The following TSNAXIP1 variants were observed in gnomAD, a reference collection of about 807,000 sequenced individuals.
TSNAXIP1 encodes translin-associated factor X-interacting protein 1.
A neutral mutation model predicts 84.8 loss-of-function variants in TSNAXIP1; 89 were observed. The observed-to-expected ratio is 1.05, with a 90% confidence interval of 0.88 to 1.25. The LOEUF (loss-of-function observed/expected upper bound fraction) is 1.25. Ranked by LOEUF, TSNAXIP1 falls within the 50% of genes most tolerant of loss-of-function variation. The pLI is 0.00. For synonymous variants in TSNAXIP1, 347 were observed against 335.2 expected (o/e 1.04, Z -0.39); for missense variants, 874 against 887.6 (o/e 0.98, Z 0.20).
chr16:67,825,289 A>G lies in TSNAXIP1; in HGVS notation c.814+17A>G. The G allele has an allele frequency of 6.2e-7, 1 of 1,613,518 alleles. No homozygotes were observed. Among genetic ancestry groups the G allele is most frequent in the Non-Finnish European group, 8.5e-7 (1 of 1,179,710 alleles). ...AGTCGCCAGGTAAGCCTGAATTGGG[A>G]ATCGGGTTTCTCTCTTCTCTGAGAC... On this transcript the variant is annotated intron_variant, in intron 7 of 15. Coordinates refer to ENST00000561639, the MANE Select transcript of TSNAXIP1 (RefSeq NM_001288990.3).
chr16:67,826,097 C>T lies in TSNAXIP1; in HGVS notation c.1144+21C>T, dbSNP rs751860296. ...CAAAGGTGAGGGCAGCCGGCAGGGCCCCAGGTCCTGCTTACATGTGGGCCC... is the reference window on the plus strand; with the variant it reads ...CAAAGGTGAGGGCAGCCGGCAGGGCTCCAGGTCCTGCTTACATGTGGGCCC... On this transcript the variant is annotated intron_variant, in intron 9 of 15. Transcript: ENST00000561639. The T allele has an allele frequency of 5.6e-6, 9 of 1,613,210 alleles. No homozygotes were observed. In the African/African-American group the frequency reaches 8.0e-5, roughly 14 times the overall value.
intron 7 of TSNAXIP1, 35 bp downstream of exon 7, chr16:67,825,307 T>C (rs747588126): frequency 3.1e-6 from 5 of 1,611,342 alleles, no homozygotes; most frequent in African/African-American, 2.7e-5. Context: ...TTCTCTCTTC[T>C]CTGAGACGCT....
rs200979759 is a variant in TSNAXIP1, at chr16:67,809,926, GC to G, written c.47+2731del. Among the ~76,000 whole-genome samples, 690 of 152,242 alleles carry G rather than the reference GC, an allele frequency of 4.5e-3. 26 individuals carry two copies. Among genetic ancestry groups the G allele is most frequent in the Admixed American group, 0.042 (643 of 15,264 alleles). ...ATCGGGCCACTGCACTCCAGTCCGG[GC>G]AAGAGAGTGAGACCCTGTCTCAAAA... On this transcript the variant is annotated intron_variant, in intron 1 of 15. Transcript: ENST00000561639.
Position 67,824,793 on chromosome 16 carries a change from G to C in TSNAXIP1, c.678+14G>C. 6.2e-7 allele frequency: 1 copy of C among 1,610,592 alleles called. No homozygotes were observed. The highest frequency in any genetic ancestry group is 1.3e-5 in the African/African-American group (1 of 74,926). On this transcript the variant is annotated intron_variant, in intron 6 of 15. Transcript: ENST00000561639. ...TTGCAGAGCGAGGTGAATGGAAGTG[G>C]TGTGATGATGACCAAGTCCCCGAAT... is the stretch of plus-strand genomic sequence containing the variant.
In TSNAXIP1 at chr16:67,825,272, G is replaced by A. The variant is rs1388132236; in HGVS notation, c.814G>A (p.Gly272Ser). The A allele has an allele frequency of 6.2e-7, 1 of 1,613,994 alleles. No individual in the cohort carries two copies. The highest frequency in any genetic ancestry group is 1.1e-5 in the South Asian group (1 of 91,082). Residue 272 changes from glycine to serine, a missense_variant and splice_region_variant, in exon 7 of 16, where the codon GGC (glycine) becomes AGC (serine). Gly to Ser is a moderately conservative substitution (Grantham distance 56). Transcript: ENST00000561639. ...REDMSLAQSP[G>S]IWGEDPVKLT... Reference sequence around the variant, plus strand: ...GGACATGTCATTAGCCCAGTCGCCAGGTAAGCCTGAATTGGGAATCGGGTT... The same window carrying A: ...GGACATGTCATTAGCCCAGTCGCCAAGTAAGCCTGAATTGGGAATCGGGTT...
intron 1 of TSNAXIP1, chr16:67,807,851 C>G (rs1311134196): frequency 1.3e-5 from 2 of 159,924 alleles, no homozygotes; most frequent in Non-Finnish European, 2.8e-5. Flanking sequence ...TAAAGAAATA[C>G]TTTAGAAGCC....
At chr16:67,808,251 G>A (rs892328189) in intron 1 of TSNAXIP1, among the ~76,000 whole-genome samples, 1 of 151,762 alleles carries the variant, frequency 6.6e-6, no homozygotes, top group Non-Finnish European at 1.5e-5. Context: ...AACTCTTCAG[G>A]GTCTGCTGCC....
Position 67,827,831 on chromosome 16 carries a change from C to A in TSNAXIP1, c.1977C>A (p.Asn659Lys). The A allele has an allele frequency of 1.9e-6, 3 of 1,614,150 alleles. No individual in the cohort carries two copies. Among genetic ancestry groups the A allele is most frequent in the Non-Finnish European group, 2.5e-6 (3 of 1,180,042 alleles). The change falls in exon 16 of 16, where the codon AAC (asparagine) becomes AAA (lysine). Residue 659 changes from asparagine to lysine, a missense_variant. Transcript: ENST00000561639. The part of the protein sequence containing the change: ...IDPSLDKQTV[N>K]TYMSQAFQLP... ...CCAGCCTGGACAAGCAGACAGTGAA[C>A]ACCTACATGAGCCAGGCCTTCCAGC... is the stretch of plus-strand genomic sequence containing the variant.
Position 67,827,459 on chromosome 16 carries a change from G to GT in TSNAXIP1, c.1792-13dup, listed in dbSNP as rs759079190. On this transcript the variant is annotated splice_polypyrimidine_tract_variant and intron_variant, in intron 14 of 15. Transcript: ENST00000561639. ...ACCCAATGTGCCCTCCCCCTGACTT[G>GT]TGGCCCCTCCCAGGATGAGGAGGGC... The GT allele has an allele frequency of 6.2e-7, 1 of 1,614,176 alleles. No homozygotes were observed. Among genetic ancestry groups the GT allele is most frequent in the East Asian group, 2.2e-5 (1 of 44,880 alleles).
chr16:67,811,091 T>A (rs896373250), intron 1 of TSNAXIP1, among the ~76,000 whole-genome samples: 17 of 152,106 alleles, frequency 1.1e-4, no homozygotes, highest in Admixed American at 6.5e-4. Flanking sequence ...CCCTGAGAGC[T>A]GGGATTACAG....
At position 67,814,314 on chromosome 16, in the gene TSNAXIP1, G is replaced by A; in HGVS notation, c.60G>A (p.Arg20=). The change falls in exon 2 of 16, where the codon CGG becomes CGA. Residue 20 remains arginine, a synonymous_variant. Transcript: ENST00000561639. ...CTTCTCTGTGCAGATTACAGCCACGGCCTTCAGGAGTGACCATAGACGAAT... is the reference window on the plus strand; with the variant it reads ...CTTCTCTGTGCAGATTACAGCCACGACCTTCAGGAGTGACCATAGACGAAT... The part of the protein sequence containing the change: ...SFSSASRLQP[R]PSGVTIDESF... The A allele has an allele frequency of 6.5e-7, 1 of 1,536,028 alleles. No individual in the cohort carries two copies. The highest frequency in any genetic ancestry group is 8.7e-7 in the Non-Finnish European group (1 of 1,146,866).
rs752413065 is a variant in TSNAXIP1, at chr16:67,807,256, T to C, written c.47+60T>C. 15 of 1,535,580 alleles carry C rather than the reference T, an allele frequency of 9.8e-6. No individual in the cohort carries two copies. The South Asian group carries it at 1.8e-4, about 18-fold the overall frequency. ...GTTTGAGTACTTCTAGAGAGGGAAA[T>C]GGCACTTGATCCGGACCTCTGCACC... On this transcript the variant is annotated intron_variant, in intron 1 of 15. Coordinates refer to ENST00000561639, the MANE Select transcript of TSNAXIP1 (RefSeq NM_001288990.3).
rs770882530 is a variant in TSNAXIP1 at position 67,824,740 on chromosome 16, C to T, written c.639C>T (p.Ile213=). ...KKEKMNLLKL[I]DKKNEEKISL... Reference sequence around the variant, plus strand: ...AGAAGATGAACTTGCTAAAACTCATCGACAAAAAGAATGAGGAGAAGATTT... The same window carrying T: ...AGAAGATGAACTTGCTAAAACTCATTGACAAAAAGAATGAGGAGAAGATTT... Residue 213 remains isoleucine (I), a synonymous_variant, in exon 6 of 16, where the codon ATC becomes ATT. Coordinates refer to ENST00000561639, the MANE Select transcript of TSNAXIP1 (RefSeq NM_001288990.3). 26 of 1,613,892 alleles carry T rather than the reference C, an allele frequency of 1.6e-5. No homozygotes were observed. In the African/African-American group the frequency reaches 1.7e-4, roughly 11 times the overall value.
At chr16:67,813,438 G>A (rs71393968) in intron 1 of TSNAXIP1, among the ~76,000 whole-genome samples, 4,665 of 151,052 alleles carry the variant, frequency 0.031, 99 homozygotes, top group Non-Finnish European at 0.044. Flanking sequence ...GATAGGCAAA[G>A]CAAGAGTTGT....
At chr16:67,818,725 A>G (rs964465927) in intron 2 of TSNAXIP1, among the ~76,000 whole-genome samples, 1 of 144,220 alleles carries the variant, frequency 6.9e-6, no homozygotes, top group African/African-American at 2.6e-5. Context: ...TTTTTTTGAG[A>G]CAGAGTCTCT....
chr16:67,812,151 A>C (rs1941912978), intron 1 of TSNAXIP1, among the ~76,000 whole-genome samples: 1 of 152,100 alleles, frequency 6.6e-6, no homozygotes, highest in Non-Finnish European at 1.5e-5. Flanking sequence ...TCTATCTGGC[A>C]ACATAAATCA....
intron 4 of TSNAXIP1, among the ~76,000 whole-genome samples, chr16:67,822,917 C>T (rs1053925580): frequency 6.6e-6 from 1 of 152,202 alleles, no homozygotes; most frequent in Admixed American, 6.5e-5. Flanking sequence ...CACACCCCTA[C>T]TTGCATGTCA....
rs907535437 is a variant in TSNAXIP1 at position 67,807,269 on chromosome 16, G to A, written c.47+73G>A. 3.3e-6 allele frequency: 5 copies of A among 1,535,404 alleles called. No individual in the cohort carries two copies. The East Asian group carries it at 1.2e-4, about 38-fold the overall frequency. The stretch of plus-strand genomic sequence containing the variant: ...TAGAGAGGGAAATGGCACTTGATCC[G>A]GACCTCTGCACCTCCTGCTGGCCTC... On this transcript the variant is annotated intron_variant, in intron 1 of 15. Transcript: ENST00000561639.
chr16:67,826,997 C>T lies in TSNAXIP1; in HGVS notation c.1589C>T (p.Thr530Ile), dbSNP rs1567780849. ...SENVYVTQKE[T>I]VAQLLKEMTN... ...AATGTGTATGTCACCCAGAAGGAGA[C>T]AGTAGCCCAGCTGCTGAAGGAGATG... Residue 530 changes from threonine (T) to isoleucine (I), a missense_variant, in exon 13 of 16, where the codon ACA (threonine) becomes ATA (isoleucine). Physicochemically the swap from Thr to Ile is moderately conservative, Grantham distance 89. Coordinates refer to ENST00000561639, the MANE Select transcript of TSNAXIP1 (RefSeq NM_001288990.3). 6.2e-7 allele frequency: 1 copy of T among 1,614,186 alleles called. No individual in the cohort carries two copies. Among genetic ancestry groups the T allele is most frequent in the Non-Finnish European group, 8.5e-7 (1 of 1,180,044 alleles).
Sources: allele counts gnomAD v4.1 joint callset (sites outside exome capture counted in the v4.1 genomes callset), GRCh38; gene constraint gnomAD v4.1.1; transcripts MANE v1.5; gene names NCBI Gene and HGNC (gene_info 2026-07-23, HGNC 2026-07-21).